The following CFAP58 variants were observed in gnomAD, a reference collection of about 807,000 sequenced individuals.
CFAP58 encodes cilia and flagella associated protein 58, also known as cilia- and flagella-associated protein 58.
A neutral mutation model predicts 119.5 loss-of-function variants in CFAP58; 88 were observed. The ratio of observed to expected loss-of-function variants is 0.74; its 90% confidence interval spans 0.62 to 0.88. The LOEUF (loss-of-function observed/expected upper bound fraction) is 0.88, where lower values mean the gene tolerates loss of function less well. Among genes scored for constraint, CFAP58 ranks in the 40% least tolerant of loss-of-function variants. The probability of loss-of-function intolerance (pLI) is 0.00; values close to 1 mark genes in which losing one functional copy is unlikely to be tolerated. For synonymous variants in CFAP58, 365 were observed against 366.3 expected (o/e 1.00, Z 0.04); for missense variants, 990 against 1,021.2 (o/e 0.97, Z 0.42).
chr10:104,339,044 GATTACAGGC>G, the CFAP58 span, among the ~76,000 whole-genome samples: 65 of 152,278 alleles, frequency 4.3e-4, no homozygotes, highest in Middle Eastern at 3.4e-3. Flanking sequence ...GAGTAGCTGG[GATTACAGGC>G]ATGTGCCACC....
intron 13 of CFAP58, 73 bp from the exon 14 acceptor site, chr10:104,403,656 C>A: frequency 1.0e-6 from 1 of 977,274 alleles, no homozygotes; most frequent in Non-Finnish European, 1.6e-6. Context: ...AGTGTGTATG[C>A]AACTAATTAA....
the CFAP58 span, among the ~76,000 whole-genome samples, chr10:104,343,082 A>G: frequency 6.6e-6 from 1 of 152,168 alleles, no homozygotes; most frequent in Non-Finnish European, 1.5e-5. Flanking sequence ...AGGGGAAAAA[A>G]GGGCACTTCC....
chr10:104,361,831 C>T (rs2014670316), intron 2 of CFAP58, among the ~76,000 whole-genome samples, 192 bp from the exon 3 acceptor site: 1 of 152,208 alleles, frequency 6.6e-6, no homozygotes, highest in Non-Finnish European at 1.5e-5. Flanking sequence ...GACTATAGGC[C>T]TGTACCACCA....
upstream of CFAP58, chr10:104,353,777 G>C (rs2014500723): frequency 7.9e-7 from 1 of 1,264,854 alleles, no homozygotes. Flanking sequence ...CCGAGCGCGG[G>C]TTTCCGCTCG....
In CFAP58 at chr10:104,403,748, CAA is replaced by C. The variant is rs749586866; in HGVS notation, c.2061_2062del (p.Glu689IlefsTer36). On this transcript the variant is annotated frameshift_variant, in exon 14 of 18. Coordinates refer to ENST00000369704, the MANE Select transcript of CFAP58 (RefSeq NM_001008723.2). LOFTEE classifies it high-confidence loss of function. ...ATTCAGACAGGAGTTTTTTCACATG[CAA>C]AGAGAATTGTTGAAGGAGAGGACAC... The part of the protein sequence containing the change: ...EELRQEFFHM[Q>X]RELLKERTRC... 6.2e-7 allele frequency: 1 copy of C among 1,610,544 alleles called. No homozygotes were observed. The highest frequency in any genetic ancestry group is 8.5e-7 in the Non-Finnish European group (1 of 1,178,574).
In CFAP58 at chr10:104,393,203, T is replaced by G. The variant is rs922173360; in HGVS notation, c.1528-126T>G. 7 of 860,986 alleles carry G rather than the reference T, an allele frequency of 8.1e-6. No individual in the cohort carries two copies. The Admixed American group carries it at 1.7e-4, about 21-fold the overall frequency. The allele number at this position is 860,986 out of a possible 1,614,324, so 53.3% of individuals were successfully genotyped here. ...ACTAGAGACAAAGGAATAGTCTAGTTGTAATTGATCAAGAGACCATTGTTT... is the reference window on the plus strand; with the variant it reads ...ACTAGAGACAAAGGAATAGTCTAGTGGTAATTGATCAAGAGACCATTGTTT... On this transcript the variant is annotated intron_variant, in intron 10 of 17. Transcript: ENST00000369704.
At chr10:104,375,054 C>T (rs1471565233) in intron 7 of CFAP58, among the ~76,000 whole-genome samples, 1 of 151,564 alleles carries the variant, frequency 6.6e-6, no homozygotes, top group Admixed American at 6.6e-5. Flanking sequence ...CAATAAGCTT[C>T]TGTTTTGGGG....
intron 9 of CFAP58, among the ~76,000 whole-genome samples, chr10:104,385,329 G>GT (rs1458804197): frequency 1.3e-5 from 2 of 152,182 alleles, no homozygotes; most frequent in African/African-American, 4.8e-5. Context: ...GGTGACCCCA[G>GT]TAGAATACAG....
chr10:104,356,788 A>G (rs1360500783), intron 1 of CFAP58, among the ~76,000 whole-genome samples: 1 of 152,286 alleles, frequency 6.6e-6, no homozygotes, highest in Admixed American at 6.5e-5. Context: ...AACTGCATTC[A>G]TATCCCACCA....
At chr10:104,414,873 C>G (rs1367389044) in intron 15 of CFAP58, among the ~76,000 whole-genome samples, 1 of 152,012 alleles carries the variant, frequency 6.6e-6, no homozygotes, top group Non-Finnish European at 1.5e-5. Context: ...GGGGTTTCAC[C>G]GAATTTTATT....
intron 13 of CFAP58, among the ~76,000 whole-genome samples, chr10:104,402,785 A>G (rs1427596634): frequency 1.3e-5 from 2 of 152,198 alleles, no homozygotes; most frequent in Non-Finnish European, 2.9e-5. Flanking sequence ...GAGAATTGCC[A>G]AGACCTCTGA....
At chr10:104,401,500 C>G (rs1291736113) in intron 13 of CFAP58, among the ~76,000 whole-genome samples, 1 of 152,200 alleles carries the variant, frequency 6.6e-6, no homozygotes, top group Non-Finnish European at 1.5e-5. Flanking sequence ...GATCTACTTT[C>G]CCTTTGGGAA....
At chr10:104,346,854 T>C in the CFAP58 span, among the ~76,000 whole-genome samples, 1 of 151,876 alleles carries the variant, frequency 6.6e-6, no homozygotes, top group Non-Finnish European at 1.5e-5. Flanking sequence ...CACGCTGGTC[T>C]CAAACTCCTG....
upstream of CFAP58, among the ~76,000 whole-genome samples, chr10:104,351,163 A>G (rs2014455056): frequency 6.6e-6 from 1 of 152,132 alleles, no homozygotes; most frequent in Non-Finnish European, 1.5e-5. Flanking sequence ...CTTGGCTTAC[A>G]GTGTGGTTCA....
chr10:104,429,495 T>C (rs574321950), intron 15 of CFAP58, among the ~76,000 whole-genome samples: 2 of 152,336 alleles, frequency 1.3e-5, no homozygotes, highest in East Asian at 3.9e-4. Flanking sequence ...TACTGTGGCA[T>C]ATCAGCTCCT....
chr10:104,411,772 T>C (rs537337781), intron 15 of CFAP58, among the ~76,000 whole-genome samples: 86 of 149,200 alleles, frequency 5.8e-4, no homozygotes, highest in Non-Finnish European at 9.7e-4. Flanking sequence ...TTTTTTTTTT[T>C]CCCCCACCCA....
intron 10 of CFAP58, 41 bp downstream of exon 10, chr10:104,392,435 T>G (rs1248246850): frequency 7.2e-7 from 1 of 1,383,808 alleles, no homozygotes; most frequent in Admixed American, 2.5e-5. Flanking sequence ...GATTTATTTT[T>G]ACCCTGCATT....
rs778617265 is a variant in CFAP58 at position 104,358,563 on chromosome 10, G to A, written c.232G>A (p.Val78Ile). 1.9e-6 allele frequency: 3 copies of A among 1,614,106 alleles called. No homozygotes were observed. Among genetic ancestry groups the A allele is most frequent in the Non-Finnish European group, 2.5e-6 (3 of 1,180,008 alleles). Residue 78 changes from valine to isoleucine, a missense_variant, in exon 2 of 18, where the codon GTC becomes ATC. Val to Ile is a conservative substitution (Grantham distance 29, BLOSUM62 3). Coordinates refer to ENST00000369704, the MANE Select transcript of CFAP58 (RefSeq NM_001008723.2). ...NAEIVVNSAKVATALKLSQDD... is the reference protein window; with the variant it reads ...NAEIVVNSAKIATALKLSQDD... The stretch of plus-strand genomic sequence containing the variant: ...AGAGATTGTAGTGAATTCTGCGAAG[G>A]TCGCCACTGCCCTTAAGCTCTCTCA...
At chr10:104,340,469 C>T in the CFAP58 span, among the ~76,000 whole-genome samples, 1 of 152,220 alleles carries the variant, frequency 6.6e-6, no homozygotes, top group Non-Finnish European at 1.5e-5. Context: ...CAGGCAGTTA[C>T]TCCTTCAGGA....
Sources: gnomAD v4.1 joint callset for allele counts (sites outside exome capture counted in the v4.1 genomes callset) on GRCh38, gnomAD v4.1.1 for gene constraint, MANE v1.5 for transcripts, NCBI Gene and HGNC (gene_info 2026-07-23, HGNC 2026-07-21) for gene names.